Variants in ANXA10 observed in about 807,000 individuals in gnomAD.
ANXA10 encodes annexin A10.
In ANXA10, 49 loss-of-function variants were observed where a neutral mutation model predicts 53.5. The observed-to-expected ratio is 0.92, with a 90% CI of 0.73 to 1.16. The LOEUF is 1.16. Ranked by LOEUF, ANXA10 falls within the 50% of genes most tolerant of loss-of-function variation. The probability of loss-of-function intolerance (pLI) is 0.00; values close to 1 mark genes in which losing one functional copy is unlikely to be tolerated. For synonymous variants in ANXA10, 131 were observed against 128.9 expected (o/e 1.02, Z -0.11); for missense variants, 393 against 394.4 (o/e 1.00, Z 0.03).
chr4:168,187,350 AT>A lies in ANXA10; in HGVS notation c.907-15del. ...TATGATATTTTATTTCAAATATATT[AT>A]ATTTTTCTTTTCAGAATTTTGCTTC... is the stretch of plus-strand genomic sequence containing the variant. On this transcript the variant is annotated splice_polypyrimidine_tract_variant and intron_variant, in intron 11 of 11. Transcript: ENST00000359299. 2.6e-6 allele frequency: 4 copies of A among 1,526,296 alleles called. No individual in the cohort carries two copies. The South Asian group carries it at 3.6e-5, about 14-fold the overall frequency. 94.5% of individuals were successfully genotyped at this position (1,526,296 alleles called of 1,614,324 possible).
chr4:168,162,414 CTGT>C (rs1731801159), intron 3 of ANXA10, 111 bp from the exon 4 acceptor site: 10 of 734,486 alleles, frequency 1.4e-5, no homozygotes, highest in South Asian at 1.0e-4. Flanking sequence ...ACTTGTTATG[CTGT>C]TATTATTAAA....
chr4:168,124,132 T>A (rs978249136), intron 1 of ANXA10, among the ~76,000 whole-genome samples: 19 of 152,320 alleles, frequency 1.2e-4, no homozygotes, highest in African/African-American at 4.6e-4. Context: ...TGTGCTACAG[T>A]TCCGTGCCCA....
Position 168,156,198 on chromosome 4 carries a change from A to ATT in ANXA10, c.196-6330_196-6329insTT, listed in dbSNP as rs1491176698. Among the ~76,000 whole-genome samples, 13 of 12,044 alleles carry ATT rather than the reference A, an allele frequency of 1.1e-3. 1 individual carries two copies. Among genetic ancestry groups the ATT allele is most frequent in the East Asian group, 9.5e-3 (2 of 210 alleles). The allele number at this position is 12,044 out of a possible 152,430, so 7.9% of individuals were successfully genotyped here. ...ATATTATATATTATATATTATATAT[A>ATT]ATATATATTATATTATATGTAATAT... On this transcript the variant is annotated intron_variant, in intron 3 of 11. Transcript: ENST00000359299.
intron 6 of ANXA10, among the ~76,000 whole-genome samples, chr4:168,165,571 G>T (rs1424265923): frequency 6.6e-6 from 1 of 151,858 alleles, no homozygotes; most frequent in African/African-American, 2.4e-5. Context: ...ATTCTAAAGA[G>T]ATTATAAATA....
chr4:168,154,371 T>C (rs1198858183), intron 3 of ANXA10, among the ~76,000 whole-genome samples: 1 of 152,154 alleles, frequency 6.6e-6, no homozygotes, highest in Non-Finnish European at 1.5e-5. Flanking sequence ...TAGAGCTAGA[T>C]GCTGAATTTT....
chr4:168,104,176 A>G (rs1343859006), intron 1 of ANXA10, among the ~76,000 whole-genome samples: 4 of 151,936 alleles, frequency 2.6e-5, no homozygotes, highest in African/African-American at 9.7e-5. Flanking sequence ...TATTTCTTAA[A>G]TTGTTAATAA....
chr4:168,128,097 T>C lies in ANXA10; in HGVS notation c.32T>C (p.Ile11Thr). 1 of 1,613,414 alleles carries C rather than the reference T, an allele frequency of 6.2e-7. No homozygotes were observed. The highest frequency in any genetic ancestry group is 8.5e-7 in the Non-Finnish European group (1 of 1,179,554). The change falls in exon 2 of 12, where the codon ATC becomes ACC. Residue 11 changes from isoleucine to threonine, a missense_variant. Physicochemically the swap from Ile to Thr is moderately conservative, Grantham distance 89 (BLOSUM62 -1). Coordinates refer to ENST00000359299, the MANE Select transcript of ANXA10 (RefSeq NM_007193.5). MFCGDYVQGTIFPAPNFNPIM... is the reference protein window; with the variant it reads MFCGDYVQGTTFPAPNFNPIM... ...TTTTCCCACCAGGTGCAAGGAACCATCTTCCCAGCTCCCAATTTCAATCCC... is the reference window on the plus strand; with the variant it reads ...TTTTCCCACCAGGTGCAAGGAACCACCTTCCCAGCTCCCAATTTCAATCCC...
intron 5 of ANXA10, 124 bp from the exon 6 acceptor site, chr4:168,165,123 T>C: frequency 2.1e-6 from 1 of 470,026 alleles, no homozygotes; most frequent in Non-Finnish European, 3.7e-6. Flanking sequence ...CAAAGAAATG[T>C]CAACAGGTGG....
intron 1 of ANXA10, among the ~76,000 whole-genome samples, chr4:168,111,531 A>G (rs1730806703): frequency 6.6e-6 from 1 of 152,216 alleles, no homozygotes; most frequent in African/African-American, 2.4e-5. Context: ...TTTACAGAGG[A>G]CACAACATTC....
At chr4:168,173,233 G>A (rs74665499) in intron 6 of ANXA10, among the ~76,000 whole-genome samples, 400 of 152,308 alleles carry the variant, frequency 2.6e-3, no homozygotes, top group African/African-American at 9.1e-3. Flanking sequence ...AAAATGTAAG[G>A]TAAGAAAAGC....
intron 3 of ANXA10, among the ~76,000 whole-genome samples, chr4:168,157,401 G>A (rs1263160085): frequency 6.6e-6 from 1 of 151,982 alleles, no homozygotes; most frequent in Non-Finnish European, 1.5e-5. Flanking sequence ...CCGAGTAGCT[G>A]GGATTACAGG....
chr4:168,112,957 A>G (rs1205761218), intron 1 of ANXA10, among the ~76,000 whole-genome samples: 1 of 152,092 alleles, frequency 6.6e-6, no homozygotes, highest in Non-Finnish European at 1.5e-5. Flanking sequence ...TGGGAGGCAA[A>G]GGTTGCAGTG....
At chr4:168,175,796 A>C (rs1201260464) in intron 6 of ANXA10, among the ~76,000 whole-genome samples, 4 of 152,354 alleles carry the variant, frequency 2.6e-5, no homozygotes, top group Admixed American at 2.6e-4. Context: ...GGGGACATAC[A>C]ACTTTTGAGT....
intron 1 of ANXA10, among the ~76,000 whole-genome samples, chr4:168,100,111 C>G (rs1730616564): frequency 1.3e-5 from 2 of 152,038 alleles, no homozygotes. Context: ...GATAGGTGCA[C>G]TAAACTCAGA....
intron 3 of ANXA10, 26 bp from the exon 4 acceptor site, chr4:168,162,498 TAATA>T: frequency 6.6e-7 from 1 of 1,515,946 alleles, no homozygotes; most frequent in East Asian, 2.2e-5. Flanking sequence ...TGGTAACATA[TAATA>T]AATATATGTA....
chr4:168,107,156 A>T lies in ANXA10; in HGVS notation c.18+14438A>T, dbSNP rs535538442. 1.9e-4 allele frequency among the ~76,000 whole-genome samples: 29 copies of T among 152,276 alleles called. No individual in the cohort carries two copies. In the South Asian group the frequency reaches 6.0e-3, roughly 32 times the overall value. Reference sequence around the variant, plus strand: ...ATTCCATTGGCAGTAATATAAGCAGACCAATAAAAAAGAAAAAAATATGGA... The same window carrying T: ...ATTCCATTGGCAGTAATATAAGCAGTCCAATAAAAAAGAAAAAAATATGGA... On this transcript the variant is annotated intron_variant, in intron 1 of 11. Transcript: ENST00000359299.
chr4:168,109,350 AT>A (rs1730766798), intron 1 of ANXA10, among the ~76,000 whole-genome samples: 1 of 152,194 alleles, frequency 6.6e-6, no homozygotes, highest in African/African-American at 2.4e-5. Context: ...TCCTAGGCAT[AT>A]GTGCTCAAGT....
intron 2 of ANXA10, among the ~76,000 whole-genome samples, chr4:168,130,085 A>C (rs1731133739): frequency 6.6e-6 from 1 of 152,166 alleles, no homozygotes; most frequent in Non-Finnish European, 1.5e-5. Flanking sequence ...CTGATCATTA[A>C]GTATGATGCT....
intron 10 of ANXA10, among the ~76,000 whole-genome samples, chr4:168,183,289 C>T (rs910959941): frequency 3.3e-5 from 5 of 152,116 alleles, no homozygotes. Context: ...CCTGGATAAC[C>T]CCAGAACACA....
Sources: allele counts gnomAD v4.1 joint callset (sites outside exome capture counted in the v4.1 genomes callset), GRCh38; gene constraint gnomAD v4.1.1; transcripts MANE v1.5; gene names NCBI Gene and HGNC (gene_info 2026-07-23, HGNC 2026-07-21).